The following SHROOM2 variants were observed in gnomAD, a reference collection of about 807,000 sequenced individuals.
SHROOM2 encodes protein Shroom2.
A neutral mutation model predicts 75.9 loss-of-function variants in SHROOM2; 33 were observed. That is an observed-to-expected ratio of 0.43 (90% CI 0.33 to 0.58). SHROOM2 has a LOEUF of 0.58. Among genes scored for constraint, SHROOM2 ranks in the 20% least tolerant of loss-of-function variants. The pLI is 0.04. For synonymous variants in SHROOM2, 655 were observed against 663.6 expected (o/e 0.99, Z 0.20); for missense variants, 1,434 against 1,461.2 (o/e 0.98, Z 0.30).
At position 9,894,708 on chromosome X, in the gene SHROOM2, GT is replaced by G. The variant is rs2084314408; in HGVS notation, c.803del (p.Phe268SerfsTer193). ...CAGGGCTCGGAGGAGAAGCTCAGTT[GT>G]TTCCCGCCCAGGGTCCCCGGTGACA... is the stretch of plus-strand genomic sequence containing the variant. ...DPQGSEEKLS[C>X]FPPRVPGDSG... On this transcript the variant is annotated frameshift_variant, in exon 4 of 10. Coordinates refer to ENST00000380913, the MANE Select transcript of SHROOM2 (RefSeq NM_001649.4). LOFTEE classifies it high-confidence loss of function. 8.3e-7 allele frequency: 1 copy of G among 1,209,275 alleles called. No individual in the cohort carries two copies. Among genetic ancestry groups the G allele is most frequent in the Admixed American group, 2.2e-5 (1 of 45,869 alleles).
intron 5 of SHROOM2, among the ~76,000 whole-genome samples, chrX:9,900,799 G>A (rs762591788): frequency 2.2e-4 from 24 of 111,086 alleles, no homozygotes; most frequent in Non-Finnish European, 4.0e-4. Flanking sequence ...GACCCAGCAC[G>A]TTTGCTTCCC....
intron 1 of SHROOM2, among the ~76,000 whole-genome samples, chrX:9,789,906 G>A (rs1271162891): frequency 1.8e-5 from 2 of 112,114 alleles, no homozygotes; most frequent in African/African-American, 3.2e-5. Flanking sequence ...ATTGATTTTC[G>A]GGTTGCCATT....
At chrX:9,799,604 CTTCT>C (rs1386156658) in intron 1 of SHROOM2, among the ~76,000 whole-genome samples, 1 of 110,918 alleles carries the variant, frequency 9.0e-6, no homozygotes, top group Non-Finnish European at 1.9e-5. Context: ...TTTATTTCCC[CTTCT>C]TTCTATTTTT....
chrX:9,946,650 G>A (rs1291231289), intron 9 of SHROOM2, 21 bp from the exon 10 acceptor site: 12 of 1,197,582 alleles, frequency 1.0e-5, no homozygotes, highest in Non-Finnish European at 1.4e-5. Flanking sequence ...GTCCTCAACA[G>A]GCTTGTTTGT....
At chrX:9,928,711 A>G (rs1201861118) in intron 5 of SHROOM2, among the ~76,000 whole-genome samples, 3 of 111,109 alleles carry the variant, frequency 2.7e-5, no homozygotes, top group Non-Finnish European at 5.7e-5. Flanking sequence ...ACACACATGG[A>G]CACAGAGACA....
chrX:9,808,713 T>G (rs1419504528), intron 1 of SHROOM2, among the ~76,000 whole-genome samples: 1 of 109,816 alleles, frequency 9.1e-6, no homozygotes, highest in Non-Finnish European at 1.9e-5. Context: ...AATACAAAAA[T>G]TAGCCAGGCG....
At chrX:9,863,640 T>TGG (rs1336935651) in intron 1 of SHROOM2, among the ~76,000 whole-genome samples, 2 of 108,850 alleles carry the variant, frequency 1.8e-5, no homozygotes, top group Non-Finnish European at 3.8e-5. Flanking sequence ...TCTTAAGAGA[T>TGG]GGGTGTCTCA....
chrX:9,917,585 A>G (rs770321767), intron 5 of SHROOM2, among the ~76,000 whole-genome samples: 23 of 111,356 alleles, frequency 2.1e-4, no homozygotes, highest in Non-Finnish European at 3.8e-4. Context: ...CAGTGCCGCA[A>G]TCTCAGCTCA....
intron 5 of SHROOM2, among the ~76,000 whole-genome samples, chrX:9,930,506 C>CAA (rs201521221): frequency 8.2e-4 from 58 of 70,722 alleles, no homozygotes; most frequent in Non-Finnish European, 1.4e-3. Flanking sequence ...GACCCTGTCT[C>CAA]AAAAAAAAAA....
At position 9,786,509 on chromosome X, in the gene SHROOM2, G is replaced by C. The variant is rs1476128255; in HGVS notation, c.-37G>C. 3.8e-5 allele frequency: 32 copies of C among 840,350 alleles called. No individual in the cohort carries two copies. Among genetic ancestry groups the C allele is most frequent in the Non-Finnish European group, 4.5e-5 (31 of 692,846 alleles). 69.3% of individuals were successfully genotyped at this position (840,350 alleles called of 1,213,427 possible). Reference sequence around the variant, plus strand: ...TCCCACGGCCGGGACTGCCCGGAGTGCATGGGCGCGGGCCAGGGACGCTGA... The same window carrying C: ...TCCCACGGCCGGGACTGCCCGGAGTCCATGGGCGCGGGCCAGGGACGCTGA... On this transcript the variant is annotated 5_prime_UTR_variant, in exon 1 of 10. Transcript: ENST00000380913.
At position 9,931,283 on chromosome X, in the gene SHROOM2, G is replaced by T. The variant is rs773733616; in HGVS notation, c.2892-892G>T. On this transcript the variant is annotated intron_variant, in intron 5 of 9. Coordinates refer to ENST00000380913, the MANE Select transcript of SHROOM2 (RefSeq NM_001649.4). Reference sequence around the variant, plus strand: ...CCTCCCAACACTTTGGGAGGCCGAGGCAGGTGGATCGCTTGAGGACAGGAG... The same window carrying T: ...CCTCCCAACACTTTGGGAGGCCGAGTCAGGTGGATCGCTTGAGGACAGGAG... Among the ~76,000 whole-genome samples, 291 of 109,838 alleles carry T rather than the reference G, an allele frequency of 2.6e-3. 1 individual carries two copies. The highest frequency in any genetic ancestry group is 4.9e-3 in the Non-Finnish European group (260 of 52,549).
At chrX:9,847,357 C>T (rs1222704625) in intron 1 of SHROOM2, among the ~76,000 whole-genome samples, 3 of 112,457 alleles carry the variant, frequency 2.7e-5, no homozygotes, top group African/African-American at 9.7e-5. Context: ...AATGACTAAC[C>T]GTGCTGGGTT....
At chrX:9,923,116 T>C (rs760636617) in intron 5 of SHROOM2, among the ~76,000 whole-genome samples, 1 of 111,608 alleles carries the variant, frequency 9.0e-6, no homozygotes, top group African/African-American at 3.3e-5. Flanking sequence ...TCTGATGAAT[T>C]TGTAAAACCT....
intron 1 of SHROOM2, among the ~76,000 whole-genome samples, chrX:9,829,949 T>TATTTTATTTTC (rs1451116191): frequency 9.1e-6 from 1 of 110,386 alleles, no homozygotes; most frequent in Non-Finnish European, 1.9e-5. Context: ...CAGTTTTTTT[T>TATTTTATTTTC]ATTTTTATTT....
At chrX:9,797,384 GC>G (rs1200080422) in intron 1 of SHROOM2, among the ~76,000 whole-genome samples, 1 of 112,533 alleles carries the variant, frequency 8.9e-6, no homozygotes, top group African/African-American at 3.2e-5. Flanking sequence ...CTGTGTTTGG[GC>G]CATTCATTGT....
At chrX:9,882,226 A>C (rs114105746) in intron 2 of SHROOM2, among the ~76,000 whole-genome samples, 3,029 of 76,769 alleles carry the variant, frequency 0.039, 159 homozygotes, top group African/African-American at 0.14. Context: ...GTATACTGAT[A>C]TGTTGACTCA....
In SHROOM2 at chrX:9,806,727, C is replaced by CT. The variant is rs750659818; in HGVS notation, c.165+20031dup. ...ACAATCATCACATGCAACTTTAATC[C>CT]TTTTTTTTTTTTTTGAGACAGAGTC... On this transcript the variant is annotated intron_variant, in intron 1 of 9. Coordinates refer to ENST00000380913, the MANE Select transcript of SHROOM2 (RefSeq NM_001649.4). Among the ~76,000 whole-genome samples, 276 of 79,457 alleles carry CT rather than the reference C, an allele frequency of 3.5e-3. 3 individuals are homozygous for CT. The highest frequency in any genetic ancestry group is 0.011 in the African/African-American group (221 of 20,184). The allele number at this position is 79,457 out of a possible 115,157, so 69.0% of individuals were successfully genotyped here. A position where few individuals can be genotyped will look rare whatever the true frequency, so the allele number is the denominator to read the frequency against.
At chrX:9,909,382 T>C (rs2084409063) in intron 5 of SHROOM2, among the ~76,000 whole-genome samples, 1 of 112,860 alleles carries the variant, frequency 8.9e-6, no homozygotes, top group South Asian at 3.6e-4. Context: ...TTGCAAATAC[T>C]TTATGTAGCT....
chrX:9,921,577 C>A (rs916213682), intron 5 of SHROOM2, among the ~76,000 whole-genome samples: 1 of 111,364 alleles, frequency 9.0e-6, no homozygotes, highest in Non-Finnish European at 1.9e-5. Context: ...ATTCATCTTG[C>A]GTAATTGAAA....
Sources: allele counts gnomAD v4.1 joint callset (sites outside exome capture counted in the v4.1 genomes callset), GRCh38; gene constraint gnomAD v4.1.1; transcripts MANE v1.5; gene names NCBI Gene and HGNC (gene_info 2026-07-23, HGNC 2026-07-21).